Variants in PCDHGA6 observed in about 807,000 individuals in gnomAD.
PCDHGA6 encodes the protein protocadherin gamma subfamily A, 6, also known as protocadherin gamma-A6.
Under a neutral mutation model 60.6 loss-of-function variants are expected in PCDHGA6, and 41 were observed. The ratio of observed to expected loss-of-function variants is 0.68; its 90% CI spans 0.53 to 0.88. PCDHGA6 has a LOEUF of 0.88. PCDHGA6 is among the 40% of genes least tolerant of loss of function. The pLI, the probability that PCDHGA6 is intolerant of heterozygous loss-of-function variation, is 0.00. For synonymous variants in PCDHGA6, 594 were observed against 524.4 expected, an observed-to-expected ratio of 1.13 and a Z score of -1.81; for missense variants, 1,312 against 1,203.0, an observed-to-expected ratio of 1.09 and a Z score of -1.34.
At chr5:141,465,833 T>A (rs2099110537) in intron 1 of PCDHGA6, among the ~76,000 whole-genome samples, 1 of 152,002 alleles carries the variant, frequency 6.6e-6, no homozygotes, top group Non-Finnish European at 1.5e-5. Context: ...GTTTAAAATT[T>A]CAACTGAGGC....
In PCDHGA6 at chr5:141,432,856, G is replaced by C; in HGVS notation, c.2424+56349G>C. 1 of 1,614,142 alleles carries C rather than the reference G, an allele frequency of 6.2e-7. No homozygotes were observed. The highest frequency in any genetic ancestry group is 1.7e-5 in the Admixed American group (1 of 60,030). On this transcript the variant is annotated intron_variant, in intron 1 of 3. Coordinates refer to ENST00000517434, the MANE Select transcript of PCDHGA6 (RefSeq NM_018919.3). This position sits in a 1 kb window ranked among gnomAD's most constrained non-coding sequence, Gnocchi z 6.0. Reference sequence around the variant, plus strand: ...TGTACCTGGTGGTAGCGGTGGCCGCGGTCTCCTGCGTCTTCCTGGCCTTCG... The same window carrying C: ...TGTACCTGGTGGTAGCGGTGGCCGCCGTCTCCTGCGTCTTCCTGGCCTTCG...
intron 1 of PCDHGA6, among the ~76,000 whole-genome samples, chr5:141,462,069 C>T (rs555164288): frequency 4.3e-4 from 65 of 151,850 alleles, no homozygotes; most frequent in Non-Finnish European, 7.5e-4. Context: ...GTGATCTGCC[C>T]GCCTTGGCCT....
In PCDHGA6 at chr5:141,432,770, G is replaced by A. The variant is rs930442281; in HGVS notation, c.2424+56263G>A. The A allele has an allele frequency of 6.2e-7, 1 of 1,614,128 alleles. No individual in the cohort carries two copies. On this transcript the variant is annotated intron_variant, in intron 1 of 3. Coordinates refer to ENST00000517434, the MANE Select transcript of PCDHGA6 (RefSeq NM_018919.3). This position sits in a 1 kb window ranked among gnomAD's most constrained non-coding sequence, Gnocchi z 6.0. ...GGCCGTGGCCGACAGCATCCCCCAAGTCCTGGCGGACCTCGGCAGCCTCGA... is the reference window on the plus strand; with the variant it reads ...GGCCGTGGCCGACAGCATCCCCCAAATCCTGGCGGACCTCGGCAGCCTCGA...
At chr5:141,435,346 G>A (rs2097758346) in intron 1 of PCDHGA6, among the ~76,000 whole-genome samples, 1 of 152,012 alleles carries the variant, frequency 6.6e-6, no homozygotes, top group South Asian at 2.1e-4. Flanking sequence ...TATTTCTTCT[G>A]CATTTAAAAT....
chr5:141,420,335 A>G (rs2096490280), intron 1 of PCDHGA6: 1 of 1,403,918 alleles, frequency 7.1e-7, no homozygotes, highest in Non-Finnish European at 9.5e-7. Flanking sequence ...ATATTCCAAT[A>G]TAGTGGTATT....
chr5:141,505,742 G>A (rs1024914690), intron 3 of PCDHGA6, among the ~76,000 whole-genome samples: 1 of 152,150 alleles, frequency 6.6e-6, no homozygotes, highest in Non-Finnish European at 1.5e-5. Flanking sequence ...TACAAGTCTA[G>A]CTCTGGAATG....
At chr5:141,502,030 C>T (rs1031787021) in intron 2 of PCDHGA6, among the ~76,000 whole-genome samples, 4 of 152,180 alleles carry the variant, frequency 2.6e-5, no homozygotes, top group Non-Finnish European at 4.4e-5. Flanking sequence ...CAACCCCCGC[C>T]GCTTGCCTGC....
intron 1 of PCDHGA6, chr5:141,379,749 T>A (rs1396117156): frequency 6.6e-6 from 1 of 152,138 alleles, no homozygotes; most frequent in African/African-American, 2.4e-5. Flanking sequence ...ATGAGGTTCT[T>A]TAATCCACCT....
intron 1 of PCDHGA6, chr5:141,415,073 C>G: frequency 1.9e-6 from 3 of 1,613,434 alleles, no homozygotes; most frequent in Non-Finnish European, 2.5e-6. Flanking sequence ...GTGCGCACGG[C>G]GCGAGCCCTG....
chr5:141,388,756 A>G, intron 1 of PCDHGA6: 1 of 1,613,956 alleles, frequency 6.2e-7, no homozygotes, highest in South Asian at 1.1e-5. Flanking sequence ...ACCCAATTTG[A>G]CCTGAACTCT....
chr5:141,394,204 A>G (rs749979763), intron 1 of PCDHGA6: 4 of 1,613,914 alleles, frequency 2.5e-6, no homozygotes, highest in Non-Finnish European at 3.4e-6. Context: ...ATCCTAGAGA[A>G]CAACCTGAGA....
intron 1 of PCDHGA6, among the ~76,000 whole-genome samples, chr5:141,460,793 A>T (rs954317795): frequency 2.0e-4 from 30 of 152,024 alleles, no homozygotes; most frequent in Non-Finnish European, 2.9e-5. Flanking sequence ...TATACACACA[A>T]AGTATATATA....
chr5:141,433,812 G>A (rs535623556), intron 1 of PCDHGA6, among the ~76,000 whole-genome samples: 46 of 150,530 alleles, frequency 3.1e-4, no homozygotes, highest in African/African-American at 1.1e-3. Context: ...ACTCCAGCCT[G>A]GGCAACAAGA....
chr5:141,449,943 C>G (rs1561937416), intron 1 of PCDHGA6, among the ~76,000 whole-genome samples: 1 of 151,186 alleles, frequency 6.6e-6, no homozygotes, highest in African/African-American at 2.4e-5. Flanking sequence ...GTATATTTTA[C>G]TATACCTCAT....
At chr5:141,400,766 C>T in intron 1 of PCDHGA6, 1 of 577,074 alleles carries the variant, frequency 1.7e-6, no homozygotes, top group South Asian at 2.3e-5. Context: ...CTAGCAAAAA[C>T]ATTTGGTGCG....
chr5:141,409,912 C>T (rs775668669), intron 1 of PCDHGA6: 5 of 1,613,180 alleles, frequency 3.1e-6, no homozygotes, highest in Non-Finnish European at 2.5e-6. Context: ...TGGGTCCTGA[C>T]GGCTCCGCGT....
Position 141,501,290 on chromosome 5 carries a change from TACACACACACACAC to T in PCDHGA6, c.2484-4072_2484-4059del, listed in dbSNP as rs55762287. ...GTCCAGTCTATGGGATATTCCCTTA[TACACACACACACAC>T]ACACACACACACACACACACACACA... On this transcript the variant is annotated intron_variant, in intron 2 of 3. Transcript: ENST00000517434. Among the ~76,000 whole-genome samples, 10 of 136,248 alleles carry T rather than the reference TACACACACACACAC, an allele frequency of 7.3e-5. No homozygotes were observed. In the South Asian group the frequency reaches 1.2e-3, roughly 16 times the overall value. 89.4% of individuals were successfully genotyped at this position (136,248 alleles called of 152,430 possible).
intron 1 of PCDHGA6, chr5:141,409,596 AC>A: frequency 6.2e-7 from 1 of 1,613,714 alleles, no homozygotes; most frequent in Non-Finnish European, 8.5e-7. Flanking sequence ...GCCGAGAACA[AC>A]CCGCCAGGAG....
intron 1 of PCDHGA6, chr5:141,410,823 C>CCAGACTGA (rs2095425464): frequency 2.1e-6 from 1 of 479,988 alleles, no homozygotes; most frequent in African/African-American, 2.5e-5. Flanking sequence ...AATAATGTCA[C>CCAGACTGA]CAGACTGAAG....
Sources: gnomAD v4.1 joint callset for allele counts (sites outside exome capture counted in the v4.1 genomes callset) on GRCh38, gnomAD v4.1.1 for gene constraint, Gnocchi (gnomAD v3.1) non-coding constraint, MANE v1.5 for transcripts, NCBI Gene and HGNC (gene_info 2026-07-23, HGNC 2026-07-21) for gene names.